SRSF11: variants seen among roughly 807,000 people sequenced by gnomAD.
The protein encoded by SRSF11 is serine and arginine rich splicing factor 11.
A neutral mutation model predicts 56.0 loss-of-function variants in SRSF11; 9 were observed. The observed-to-expected ratio is 0.16, with a 90% CI of 0.10 to 0.28. The LOEUF (loss-of-function observed/expected upper bound fraction) is 0.28. Among genes scored for constraint, SRSF11 ranks in the 10% least tolerant of loss-of-function variants. The probability of loss-of-function intolerance (pLI) is 1.00; values close to 1 mark genes in which losing one functional copy is unlikely to be tolerated. For missense variants in SRSF11, 421 were observed against 600.7 expected (o/e 0.70, Z 3.13); for synonymous variants, 222 against 215.3 (o/e 1.03, Z -0.27).
At chr1:70,238,844 G>A (rs998544899) in intron 6 of SRSF11, among the ~76,000 whole-genome samples, 2 of 152,174 alleles carry the variant, frequency 1.3e-5, no homozygotes, top group African/African-American at 4.8e-5. Context: ...ACACTTCACA[G>A]CCTCTTAAGT....
chr1:70,228,358 G>T, intron 1 of SRSF11, 64 bp from the exon 2 acceptor site: 1 of 1,262,820 alleles, frequency 7.9e-7, no homozygotes, highest in South Asian at 1.3e-5. Flanking sequence ...GTGTTGGTTT[G>T]TGAATTAGCA....
Position 70,237,564 on chromosome 1 carries a change from T to G in SRSF11, c.718+12T>G. On this transcript the variant is annotated intron_variant, in intron 6 of 11. Coordinates refer to ENST00000370949, the MANE Select transcript of SRSF11 (RefSeq NM_001350605.2). ...TGCTATAGAACCAGGTAAACAATGT[T>G]TATGCAATTTTGTTGTGTGATTCTT... is the stretch of plus-strand genomic sequence containing the variant. 6.2e-7 allele frequency: 1 copy of G among 1,605,868 alleles called. No homozygotes were observed. Among genetic ancestry groups the G allele is most frequent in the Non-Finnish European group, 8.5e-7 (1 of 1,178,004 alleles).
chr1:70,234,320 TG>T (rs1673475281), intron 3 of SRSF11, among the ~76,000 whole-genome samples: 3 of 152,208 alleles, frequency 2.0e-5, no homozygotes, highest in Non-Finnish European at 4.4e-5. Context: ...ATAGTAGATT[TG>T]GATCCTGAGA....
chr1:70,229,564 A>G, intron 2 of SRSF11: 2 of 985,000 alleles, frequency 2.0e-6, no homozygotes, highest in Non-Finnish European at 2.4e-6. Flanking sequence ...TCACTGAAAT[A>G]TGATAAAACT....
intron 1 of SRSF11, among the ~76,000 whole-genome samples, chr1:70,226,569 G>T (rs1476920970): frequency 6.6e-6 from 1 of 152,166 alleles, no homozygotes; most frequent in Admixed American, 6.5e-5. Flanking sequence ...AATAAAAAGT[G>T]TTAAAAGAAT....
chr1:70,224,288 C>T (rs1406888585), intron 1 of SRSF11, among the ~76,000 whole-genome samples: 5 of 152,156 alleles, frequency 3.3e-5, no homozygotes, highest in Non-Finnish European at 7.3e-5. Context: ...GTGACATGCA[C>T]CTGTAACTCT....
chr1:70,245,631 T>G (rs1676570475), intron 8 of SRSF11, among the ~76,000 whole-genome samples: 1 of 152,220 alleles, frequency 6.6e-6, no homozygotes, highest in East Asian at 1.9e-4. Context: ...GGTTTGAGAA[T>G]GACTCGAGTA....
chr1:70,244,592 C>T, intron 7 of SRSF11, 92 bp from the exon 8 acceptor site: 2 of 1,368,820 alleles, frequency 1.5e-6, no homozygotes, highest in South Asian at 2.8e-5. Context: ...TTGTTTAGTC[C>T]ATATGTCCGA....
intron 9 of SRSF11, chr1:70,248,829 A>C (rs1319340617): frequency 6.6e-6 from 1 of 152,224 alleles, no homozygotes; most frequent in Non-Finnish European, 1.5e-5. Flanking sequence ...GTAATATAAA[A>C]TACTTCTTCC....
chr1:70,245,576 G>A (rs1676560466), intron 8 of SRSF11, among the ~76,000 whole-genome samples: 4 of 152,156 alleles, frequency 2.6e-5, no homozygotes, highest in South Asian at 2.1e-4. Context: ...TAATTACAGG[G>A]GAGGAACTGT....
intron 5 of SRSF11, 72 bp downstream of exon 5, chr1:70,235,622 A>C (rs1170932042): frequency 7.0e-7 from 1 of 1,424,124 alleles, no homozygotes; most frequent in Non-Finnish European, 9.6e-7. Flanking sequence ...TTTTTTTGAT[A>C]GCTTATAAGA....
intron 9 of SRSF11, chr1:70,249,734 A>AT (rs1220212513): frequency 2.3e-6 from 1 of 442,180 alleles, no homozygotes; most frequent in Non-Finnish European, 4.1e-6. Context: ...ATTTTTTTGT[A>AT]TTTTTTGTAG....
At chr1:70,242,173 A>G (rs919632897) in intron 7 of SRSF11, among the ~76,000 whole-genome samples, 1 of 151,850 alleles carries the variant, frequency 6.6e-6, no homozygotes, top group Non-Finnish European at 1.5e-5. Context: ...CTTAAAAAAA[A>G]AAAAAAAAGG....
chr1:70,232,178 T>G (rs773164052), intron 2 of SRSF11, 90 bp from the exon 3 acceptor site: 1 of 1,599,560 alleles, frequency 6.3e-7, no homozygotes, highest in Non-Finnish European at 8.5e-7. Context: ...CAAACTCAGG[T>G]GGTGTATCAG....
At chr1:70,241,790 C>T (rs1048317832) in intron 7 of SRSF11, among the ~76,000 whole-genome samples, 1 of 152,222 alleles carries the variant, frequency 6.6e-6, no homozygotes, top group Non-Finnish European at 1.5e-5. Context: ...ACAGTGCTCT[C>T]ATAGTTTAGT....
At chr1:70,233,781 T>C (rs978406710) in intron 3 of SRSF11, among the ~76,000 whole-genome samples, 1 of 152,218 alleles carries the variant, frequency 6.6e-6, no homozygotes, top group Non-Finnish European at 1.5e-5. Context: ...CTCACTTTCA[T>C]GGTTTGTGTC....
chr1:70,220,621 G>C (rs564775366), upstream of SRSF11, among the ~76,000 whole-genome samples: 31 of 152,220 alleles, frequency 2.0e-4, no homozygotes, highest in Admixed American at 6.5e-4. Flanking sequence ...AGGCCAAGGC[G>C]GGTGGATCAC....
At chr1:70,241,067 C>T (rs972720546) in intron 7 of SRSF11, among the ~76,000 whole-genome samples, 16 of 152,180 alleles carry the variant, frequency 1.1e-4, no homozygotes, top group South Asian at 2.1e-4. Flanking sequence ...CCACCATGCC[C>T]GGCCATTCAC....
rs1006831396 is a variant in SRSF11, at chr1:70,221,388, G to C, written c.-249G>C. On this transcript the variant is annotated 5_prime_UTR_variant, in exon 1 of 12. Transcript: ENST00000370949. The stretch of plus-strand genomic sequence containing the variant: ...GGGAGCTCGGGCCCGCTAGTGTCGT[G>C]GTTGGAGGCGAGGTGGGGCGGCCGT... The C allele has an allele frequency of 1.9e-6, 1 of 524,176 alleles. No individual in the cohort carries two copies. 32.5% of individuals were successfully genotyped at this position (524,176 alleles called of 1,614,324 possible).
Sources: gnomAD v4.1 joint callset for allele counts (sites outside exome capture counted in the v4.1 genomes callset) on GRCh38, gnomAD v4.1.1 for gene constraint, MANE v1.5 for transcripts, NCBI Gene and HGNC (gene_info 2026-07-23, HGNC 2026-07-21) for gene names.